STXBP5L: variants seen among roughly 807,000 people sequenced by gnomAD.
STXBP5L encodes the protein syntaxin binding protein 5L.
Under a neutral mutation model 144.5 loss-of-function variants are expected in STXBP5L, and 65 were observed. That is an observed-to-expected ratio of 0.45 (90% CI 0.37 to 0.55). The LOEUF is 0.55. STXBP5L is among the 20% of genes least tolerant of loss of function. The probability of loss-of-function intolerance (pLI) is 0.00; values close to 1 mark genes in which losing one functional copy is unlikely to be tolerated. For synonymous variants in STXBP5L, 505 were observed against 469.6 expected (o/e 1.08, Z -0.97); for missense variants, 1,298 against 1,405.5 (o/e 0.92, Z 1.22).
chr3:120,949,231 T>C (rs989003086), intron 2 of STXBP5L, among the ~76,000 whole-genome samples: 1 of 152,002 alleles, frequency 6.6e-6, no homozygotes, highest in Non-Finnish European at 1.5e-5. Flanking sequence ...TTCATGTCCT[T>C]TGCCCAATTT....
intron 19 of STXBP5L, among the ~76,000 whole-genome samples, chr3:121,293,622 G>A (rs2051531954): frequency 6.6e-6 from 1 of 152,222 alleles, no homozygotes; most frequent in Non-Finnish European, 1.5e-5. Flanking sequence ...CACTTTGGGA[G>A]GCCAAGGTGG....
intron 8 of STXBP5L, among the ~76,000 whole-genome samples, chr3:121,153,346 G>C (rs898550963): frequency 6.6e-6 from 1 of 152,032 alleles, no homozygotes; most frequent in Non-Finnish European, 1.5e-5. Context: ...GGAAACAAAG[G>C]TGATCATCTG....
At chr3:121,159,630 T>A (rs1254553343) in intron 9 of STXBP5L, among the ~76,000 whole-genome samples, 1 of 147,356 alleles carries the variant, frequency 6.8e-6, no homozygotes, top group Non-Finnish European at 1.5e-5. Context: ...ACATTTTCTT[T>A]TTTTTTTTTT....
At chr3:121,314,487 C>G (rs1404607741) in intron 19 of STXBP5L, among the ~76,000 whole-genome samples, 12 of 144,852 alleles carry the variant, frequency 8.3e-5, no homozygotes, top group East Asian at 2.0e-4. Flanking sequence ...CGCAGGCACT[C>G]GGCAGGCTGA....
intron 5 of STXBP5L, among the ~76,000 whole-genome samples, chr3:121,050,255 T>A (rs568449424): frequency 6.6e-6 from 1 of 152,158 alleles, no homozygotes; most frequent in African/African-American, 2.4e-5. Flanking sequence ...TCTTTTTTTT[T>A]AAGAGGAAAG....
At chr3:121,282,216 T>C (rs764591755) in intron 19 of STXBP5L, 50 of 1,578,544 alleles carry the variant, frequency 3.2e-5, no homozygotes, top group Middle Eastern at 1.7e-4. Flanking sequence ...GACTTTTTTT[T>C]CTCTTTCTTC....
intron 5 of STXBP5L, among the ~76,000 whole-genome samples, chr3:121,103,954 T>C (rs2043560088): frequency 6.6e-6 from 1 of 152,196 alleles, no homozygotes; most frequent in South Asian, 2.1e-4. Flanking sequence ...ATAATAAATA[T>C]TTATCATTCA....
intron 3 of STXBP5L, among the ~76,000 whole-genome samples, chr3:121,035,700 G>T (rs147538677): frequency 6.6e-6 from 1 of 151,870 alleles, no homozygotes; most frequent in Admixed American, 6.6e-5. Context: ...CACTTTTATT[G>T]GTTCCATATG....
chr3:121,245,299 T>G (rs763987795), intron 14 of STXBP5L, among the ~76,000 whole-genome samples: 1 of 148,482 alleles, frequency 6.7e-6, no homozygotes, highest in Non-Finnish European at 1.5e-5. Flanking sequence ...AGAAAATGCC[T>G]ATAGAAGGTG....
intron 5 of STXBP5L, among the ~76,000 whole-genome samples, chr3:121,066,184 G>GCCT (rs932644770): frequency 5.9e-5 from 9 of 152,066 alleles, no homozygotes; most frequent in African/African-American, 2.2e-4. Context: ...TCCTCTATAG[G>GCCT]CCTCCAGTAC....
chr3:121,390,949 G>A (rs1053268354), intron 22 of STXBP5L, among the ~76,000 whole-genome samples: 2 of 152,148 alleles, frequency 1.3e-5, no homozygotes, highest in Admixed American at 6.5e-5. Context: ...AGTTGGGGAA[G>A]TTCTCCTGGA....
Position 121,031,397 on chromosome 3 carries a change from T to C in STXBP5L, c.288-10303T>C, listed in dbSNP as rs564543559. Among the ~76,000 whole-genome samples, 3 of 92,060 alleles carry C rather than the reference T, an allele frequency of 3.3e-5. No individual in the cohort carries two copies. The East Asian group carries it at 6.4e-4, about 20-fold the overall frequency. 60.4% of individuals were successfully genotyped at this position (92,060 alleles called of 152,430 possible). On this transcript the variant is annotated intron_variant, in intron 3 of 26. Transcript: ENST00000471454. ...ATGTGTATATATTTCTATTTCTGTC[T>C]ATTCATCAATCAATCAATCAACTAT... is the stretch of plus-strand genomic sequence containing the variant.
At chr3:120,960,381 C>A (rs1938620538) in intron 3 of STXBP5L, among the ~76,000 whole-genome samples, 1 of 152,188 alleles carries the variant, frequency 6.6e-6, no homozygotes, top group African/African-American at 2.4e-5. Flanking sequence ...ACTAGAAATA[C>A]CATTTGACCC....
chr3:121,231,631 C>T (rs1348764913), intron 11 of STXBP5L, among the ~76,000 whole-genome samples: 3 of 152,104 alleles, frequency 2.0e-5, no homozygotes, highest in African/African-American at 7.2e-5. Flanking sequence ...GAGCAAGGCC[C>T]TGCACTAGAA....
intron 19 of STXBP5L, among the ~76,000 whole-genome samples, chr3:121,287,554 G>A (rs1489689372): frequency 6.6e-6 from 1 of 151,110 alleles, no homozygotes; most frequent in East Asian, 2.0e-4. Flanking sequence ...TGATGGGCCG[G>A]GCGCGGTGGC....
chr3:120,917,736 A>G (rs974360214), intron 2 of STXBP5L, among the ~76,000 whole-genome samples: 23 of 152,182 alleles, frequency 1.5e-4, no homozygotes, highest in African/African-American at 5.1e-4. Flanking sequence ...AAAATAAAAC[A>G]GTAGGTATCT....
At chr3:121,370,039 T>A (rs1327965795) in intron 20 of STXBP5L, among the ~76,000 whole-genome samples, 1 of 152,096 alleles carries the variant, frequency 6.6e-6, no homozygotes, top group Non-Finnish European at 1.5e-5. Context: ...TTGCTGTTCT[T>A]GTGATAGAGT....
chr3:120,987,005 T>C (rs968409907), intron 3 of STXBP5L, among the ~76,000 whole-genome samples: 1 of 151,718 alleles, frequency 6.6e-6, no homozygotes, highest in East Asian at 1.9e-4. Context: ...AAAAAGAAAG[T>C]TATAGAGAGA....
intron 9 of STXBP5L, chr3:121,157,877 T>C (rs2046177744): frequency 5.0e-6 from 2 of 402,118 alleles, no homozygotes; most frequent in Non-Finnish European, 4.3e-6. Context: ...AAAAATTGGA[T>C]AATGGATGGT....
Sources: gnomAD v4.1 joint callset for allele counts (sites outside exome capture counted in the v4.1 genomes callset) on GRCh38, gnomAD v4.1.1 for gene constraint, MANE v1.5 for transcripts, NCBI Gene and HGNC (gene_info 2026-07-23, HGNC 2026-07-21) for gene names.